Variants in CNIH3 observed in about 807,000 individuals in gnomAD.
The protein encoded by CNIH3 is protein cornichon homolog 3.
A neutral mutation model predicts 24.1 loss-of-function variants in CNIH3; 14 were observed. The observed-to-expected ratio is 0.58, with a 90% confidence interval of 0.38 to 0.91. The LOEUF is 0.91. Among genes scored for constraint, CNIH3 ranks in the 40% least tolerant of loss-of-function variants. The probability of loss-of-function intolerance (pLI) is 0.00; values close to 1 mark genes in which losing one functional copy is unlikely to be tolerated. For synonymous variants in CNIH3, 68 were observed against 73.8 expected (o/e 0.92, Z 0.40); for missense variants, 178 against 196.8 (o/e 0.90, Z 0.57).
chr1:224,691,619 G>A (rs1339626526), intron 3 of CNIH3, among the ~76,000 whole-genome samples: 2 of 152,216 alleles, frequency 1.3e-5, no homozygotes, highest in Non-Finnish European at 2.9e-5. Context: ...GTGGGAGCAA[G>A]TATAAATGGT....
At chr1:224,557,831 A>C (rs1680204910) in intron 3 of CNIH3, among the ~76,000 whole-genome samples, 1 of 152,142 alleles carries the variant, frequency 6.6e-6, no homozygotes, top group Non-Finnish European at 1.5e-5. Context: ...GGTATCTAGC[A>C]CCTTTCACAT....
chr1:224,572,534 A>G (rs1180735538), intron 4 of CNIH3, among the ~76,000 whole-genome samples: 2 of 150,950 alleles, frequency 1.3e-5, no homozygotes, highest in East Asian at 3.9e-4. Context: ...AAAAAAAAAA[A>G]GAATTCACTA....
chr1:224,637,230 G>T (rs1162068505), intron 1 of CNIH3, among the ~76,000 whole-genome samples: 6 of 152,106 alleles, frequency 3.9e-5, no homozygotes, highest in Admixed American at 3.9e-4. Flanking sequence ...TGGGATTACA[G>T]GCGTGAACCA....
chr1:224,562,914 A>G (rs568120109), intron 3 of CNIH3, among the ~76,000 whole-genome samples: 36 of 152,304 alleles, frequency 2.4e-4, no homozygotes, highest in Middle Eastern at 3.4e-3. Context: ...CAAAGTGCTG[A>G]AAAGAGTGAG....
At chr1:224,467,877 T>TGAG (rs1676212857) in intron 1 of CNIH3, among the ~76,000 whole-genome samples, 1 of 151,932 alleles carries the variant, frequency 6.6e-6, no homozygotes, top group Non-Finnish European at 1.5e-5. Flanking sequence ...GTAAAAGGTA[T>TGAG]GAGGCTCTTC....
intron 3 of CNIH3, among the ~76,000 whole-genome samples, chr1:224,606,719 T>TC (rs1336853322): frequency 2.6e-5 from 4 of 152,138 alleles, no homozygotes; most frequent in Non-Finnish European, 4.4e-5. Flanking sequence ...TTTCCCTTCC[T>TC]CCTATCCATA....
At chr1:224,553,686 T>G (rs1370832449) in intron 3 of CNIH3, among the ~76,000 whole-genome samples, 2 of 152,054 alleles carry the variant, frequency 1.3e-5, no homozygotes, top group Non-Finnish European at 2.9e-5. Flanking sequence ...CACCCTCCAG[T>G]CTTCTGTGCA....
intron 1 of CNIH3, among the ~76,000 whole-genome samples, chr1:224,643,336 C>T (rs573164399): frequency 6.6e-6 from 1 of 152,352 alleles, no homozygotes; most frequent in African/African-American, 2.4e-5. Flanking sequence ...TTATTTGCAG[C>T]ATCTTTTGGA....
Position 224,685,469 on chromosome 1 carries a change from G to T in CNIH3, c.198+626G>T, listed in dbSNP as rs569881143. Among the ~76,000 whole-genome samples the T allele has an allele frequency of 2.2e-3, 330 of 152,292 alleles. 1 individual carries two copies. The highest frequency in any genetic ancestry group is 7.4e-3 in the African/African-American group (306 of 41,560). On this transcript the variant is annotated intron_variant, in intron 3 of 5. Transcript: ENST00000272133. The stretch of plus-strand genomic sequence containing the variant: ...TAGCATAGCTCTGTGCCATAGCTGG[G>T]GGCCCCTGTGTCTCTTTCCCAAAAA...
Position 224,704,248 on chromosome 1 carries a change from A to G in CNIH3, c.198+19405A>G, listed in dbSNP as rs1196646277. On this transcript the variant is annotated intron_variant, in intron 3 of 5. Coordinates refer to ENST00000272133, the MANE Select transcript of CNIH3 (RefSeq NM_152495.2). This position sits in a 1 kb window ranked among gnomAD's most constrained non-coding sequence, Gnocchi z 4.2. ...GGAGACACAGCCCCTTCTCTCCTAG[A>G]AGCAGAGGCACGGGAACAATGAGAA... Among the ~76,000 whole-genome samples the G allele has an allele frequency of 1.3e-5, 2 of 152,150 alleles. No individual in the cohort carries two copies. Among genetic ancestry groups the G allele is most frequent in the Non-Finnish European group, 2.9e-5 (2 of 68,024 alleles).
chr1:224,551,981 CTAA>C (rs1434228208), intron 3 of CNIH3, among the ~76,000 whole-genome samples: 1 of 151,296 alleles, frequency 6.6e-6, no homozygotes, highest in East Asian at 2.0e-4. Context: ...AGTTATACTA[CTAA>C]TATCACACGG....
intron 2 of CNIH3, among the ~76,000 whole-genome samples, chr1:224,524,853 G>C (rs1285003516): frequency 6.6e-6 from 1 of 152,140 alleles, no homozygotes; most frequent in African/African-American, 2.4e-5. Context: ...GGTTGATTCA[G>C]AGATAGGCAA....
intron 3 of CNIH3, among the ~76,000 whole-genome samples, chr1:224,607,404 A>T (rs940495986): frequency 6.6e-6 from 1 of 152,180 alleles, no homozygotes; most frequent in Admixed American, 6.5e-5. Context: ...GAAGAAGAAG[A>T]AAAAAGGGAG....
intron 1 of CNIH3, among the ~76,000 whole-genome samples, chr1:224,646,882 G>A (rs1390414168): frequency 3.9e-5 from 6 of 152,218 alleles, no homozygotes; most frequent in African/African-American, 9.6e-5. Flanking sequence ...ACAATCTGGT[G>A]TCAGTTAGCC....
At chr1:224,627,867 C>T (rs1007396436) in intron 1 of CNIH3, among the ~76,000 whole-genome samples, 2 of 152,156 alleles carry the variant, frequency 1.3e-5, no homozygotes, top group African/African-American at 4.8e-5. Context: ...GGGACACGGG[C>T]TCTGAGAACA....
At chr1:224,618,570 GA>G (rs1435058538) in intron 1 of CNIH3, among the ~76,000 whole-genome samples, 1 of 152,210 alleles carries the variant, frequency 6.6e-6, no homozygotes, top group African/African-American at 2.4e-5. Flanking sequence ...GAGGAGAGGG[GA>G]AACTCGGGGA....
chr1:224,598,984 T>C (rs180736669), intron 3 of CNIH3, among the ~76,000 whole-genome samples: 63 of 152,276 alleles, frequency 4.1e-4, no homozygotes, highest in Non-Finnish European at 7.2e-4. Context: ...AATAAAGAAC[T>C]TTTGCAGTTA....
chr1:224,668,576 C>CA (rs1270062121), intron 1 of CNIH3, among the ~76,000 whole-genome samples: 1 of 152,190 alleles, frequency 6.6e-6, no homozygotes. Context: ...CACTTGGGTG[C>CA]ATGCTCCCCC....
chr1:224,560,330 C>A (rs1454454083), intron 3 of CNIH3, among the ~76,000 whole-genome samples: 1 of 152,146 alleles, frequency 6.6e-6, no homozygotes, highest in Non-Finnish European at 1.5e-5. Flanking sequence ...AATCATTTTA[C>A]ACACTCTTCA....
Sources: allele counts gnomAD v4.1 joint callset (sites outside exome capture counted in the v4.1 genomes callset), GRCh38; gene constraint gnomAD v4.1.1; non-coding constraint Gnocchi (gnomAD v3.1); transcripts MANE v1.5; gene names NCBI Gene and HGNC (gene_info 2026-07-23, HGNC 2026-07-21).